GPHN: variants seen among roughly 807,000 people sequenced by gnomAD.
GPHN encodes the protein gephyrin.
Under a neutral mutation model 95.5 loss-of-function variants are expected in GPHN, and 17 were observed. The ratio of observed to expected loss-of-function variants is 0.18; its 90% CI spans 0.12 to 0.27. The LOEUF is 0.27. GPHN is among the 10% of genes least tolerant of loss of function. GPHN has a pLI of 1.00. For missense variants in GPHN, 660 were observed against 978.1 expected, an observed-to-expected ratio of 0.67 and a Z score of 4.34; for synonymous variants, 320 against 322.5, an observed-to-expected ratio of 0.99 and a Z score of 0.08.
At chr14:66,795,296 T>A (rs1434529666) in intron 3 of GPHN, among the ~76,000 whole-genome samples, 1 of 152,170 alleles carries the variant, frequency 6.6e-6, no homozygotes, top group Non-Finnish European at 1.5e-5. Flanking sequence ...GATAATCTAT[T>A]TTCATCATTC....
intron 10 of GPHN, among the ~76,000 whole-genome samples, chr14:67,035,249 C>T (rs1379174267): frequency 1.3e-5 from 2 of 151,680 alleles, no homozygotes; most frequent in South Asian, 4.2e-4. Context: ...AAAAGCAATA[C>T]TAAGAGAGAA....
chr14:67,092,708 G>T (rs542410292), intron 12 of GPHN, among the ~76,000 whole-genome samples: 22 of 151,928 alleles, frequency 1.4e-4, no homozygotes, highest in Non-Finnish European at 2.8e-4. Context: ...AAGAAGGCAG[G>T]AATAAAGTAA....
chr14:67,225,374 G>A, the GPHN span: 1 of 654,008 alleles, frequency 1.5e-6, no homozygotes, highest in Non-Finnish European at 2.3e-6. Context: ...TTATTCTACT[G>A]TAGTAACAAT....
intron 21 of GPHN, among the ~76,000 whole-genome samples, chr14:67,177,355 C>G (rs1024689186): frequency 7.9e-5 from 12 of 152,156 alleles, no homozygotes; most frequent in African/African-American, 2.7e-4. Context: ...CATTCAGGAG[C>G]AGGTTGTTCA....
chr14:66,638,424 A>T (rs933916597), intron 1 of GPHN, among the ~76,000 whole-genome samples: 1 of 152,138 alleles, frequency 6.6e-6, no homozygotes, highest in Non-Finnish European at 1.5e-5. Flanking sequence ...ATAAGAGGGA[A>T]ACACTATCTC....
At chr14:66,828,136 T>A (rs886493728) in intron 4 of GPHN, among the ~76,000 whole-genome samples, 1 of 151,926 alleles carries the variant, frequency 6.6e-6, no homozygotes, top group Non-Finnish European at 1.5e-5. Flanking sequence ...TCACTTCATA[T>A]TTTATATGTA....
At chr14:67,660,075 G>T in the GPHN span, 1 of 762,970 alleles carries the variant, frequency 1.3e-6, no homozygotes, top group Non-Finnish European at 2.0e-6. Flanking sequence ...TGTCTGGCAT[G>T]TTCCCCTCAT....
chr14:67,374,787 A>C, the GPHN span: 4 of 335,454 alleles, frequency 1.2e-5, no homozygotes, highest in African/African-American at 4.2e-5. Context: ...TTGTTTAAAT[A>C]GAAATGAGGT....
intron 4 of GPHN, among the ~76,000 whole-genome samples, chr14:66,876,679 C>G (rs1000895528): frequency 5.9e-5 from 9 of 152,010 alleles, no homozygotes; most frequent in Admixed American, 2.6e-4. Context: ...CATACACCCC[C>G]CCAAGACTAA....
the GPHN span, among the ~76,000 whole-genome samples, chr14:67,655,700 T>C: frequency 6.6e-6 from 1 of 152,216 alleles, no homozygotes; most frequent in African/African-American, 2.4e-5. Context: ...CAGAATACCC[T>C]ATTAGATGTG....
chr14:66,928,136 G>A (rs1483175852), intron 8 of GPHN, among the ~76,000 whole-genome samples: 2 of 152,058 alleles, frequency 1.3e-5, no homozygotes, highest in Non-Finnish European at 2.9e-5. Context: ...TAAATATTTT[G>A]TAGACTTCAG....
At chr14:66,870,269 A>G (rs951042753) in intron 4 of GPHN, among the ~76,000 whole-genome samples, 3 of 152,096 alleles carry the variant, frequency 2.0e-5, no homozygotes, top group Admixed American at 6.6e-5. Context: ...CAACCAACTC[A>G]CCACCATCAG....
chr14:67,179,545 C>A (rs749424883), intron 21 of GPHN, 33 bp from the exon 22 acceptor site: 1 of 1,251,992 alleles, frequency 8.0e-7, no homozygotes, highest in Non-Finnish European at 1.2e-6. Context: ...ATCAGGTGAC[C>A]AAGTTTGTTT....
At chr14:67,007,687 C>G (rs555739861) in intron 9 of GPHN, among the ~76,000 whole-genome samples, 4 of 152,222 alleles carry the variant, frequency 2.6e-5, no homozygotes, top group Non-Finnish European at 4.4e-5. Context: ...CTTCGGTCAA[C>G]CTATGTCACT....
At chr14:67,733,116 TATA>T in the GPHN span, among the ~76,000 whole-genome samples, 463 of 138,916 alleles carry the variant, frequency 3.3e-3, 2 homozygotes, top group Non-Finnish European at 6.0e-3. Flanking sequence ...AAACTTAAAG[TATA>T]ATAATAATAA....
chr14:67,388,731 G>A, the GPHN span, among the ~76,000 whole-genome samples: 74 of 152,050 alleles, frequency 4.9e-4, no homozygotes, highest in Non-Finnish European at 9.3e-4. Flanking sequence ...TCAGGCTGGA[G>A]TGCAGAGGCA....
the GPHN span, among the ~76,000 whole-genome samples, chr14:67,236,224 C>G: frequency 6.6e-6 from 1 of 152,106 alleles, no homozygotes; most frequent in Non-Finnish European, 1.5e-5. Flanking sequence ...TGACCAACAT[C>G]TCCCCACTCC....
the GPHN span, among the ~76,000 whole-genome samples, chr14:67,668,544 A>G: frequency 1.6e-4 from 24 of 152,374 alleles, no homozygotes; most frequent in African/African-American, 5.8e-4. Context: ...ATAGAAATAA[A>G]TCACAATCAT....
At chr14:66,688,665 C>G (rs2067563196) in intron 2 of GPHN, among the ~76,000 whole-genome samples, 1 of 152,076 alleles carries the variant, frequency 6.6e-6, no homozygotes, top group African/African-American at 2.4e-5. Flanking sequence ...TTGGATAGTC[C>G]TTTCCAATTT....
Sources: gnomAD v4.1 joint callset for allele counts (sites outside exome capture counted in the v4.1 genomes callset) on GRCh38, gnomAD v4.1.1 for gene constraint, MANE v1.5 for transcripts, NCBI Gene and HGNC (gene_info 2026-07-23, HGNC 2026-07-21) for gene names.